Variants in PRIMA1 observed in about 807,000 individuals in gnomAD.
PRIMA1 encodes proline-rich membrane anchor 1.
In PRIMA1, 7 loss-of-function variants were observed where a neutral mutation model predicts 17.5. The ratio of observed to expected loss-of-function variants is 0.40; its 90% CI spans 0.23 to 0.75. The LOEUF is 0.75. Ranked by LOEUF, PRIMA1 falls within the 30% of genes least tolerant of loss-of-function variation. The probability of loss-of-function intolerance (pLI) is 0.37; values close to 1 mark genes in which losing one functional copy is unlikely to be tolerated. For missense variants in PRIMA1, 200 were observed against 201.8 expected (o/e 0.99, Z 0.05); for synonymous variants, 97 against 77.9 (o/e 1.25, Z -1.29).
chr14:93,755,908 G>A (rs1333542461), intron 3 of PRIMA1, among the ~76,000 whole-genome samples: 2 of 152,072 alleles, frequency 1.3e-5, no homozygotes, highest in Non-Finnish European at 2.9e-5. Context: ...GCACCCCAGA[G>A]AGCAGAGATT....
chr14:93,737,404 G>T (rs770679452), intron 3 of PRIMA1, 34 bp from the exon 4 acceptor site: 1 of 1,607,222 alleles, frequency 6.2e-7, no homozygotes, highest in Non-Finnish European at 8.5e-7. Flanking sequence ...AGTGTCACCT[G>T]GATGAGCTGG....
chr14:93,769,798 C>T (rs574465948), intron 3 of PRIMA1, among the ~76,000 whole-genome samples: 55 of 152,288 alleles, frequency 3.6e-4, no homozygotes, highest in African/African-American at 1.3e-3. Flanking sequence ...GATGATGAAG[C>T]CTAGTTAAAC....
intron 3 of PRIMA1, among the ~76,000 whole-genome samples, chr14:93,774,603 C>T (rs1885155846): frequency 1.3e-5 from 2 of 152,228 alleles, no homozygotes; most frequent in South Asian, 2.1e-4. Flanking sequence ...CCCTCTCCTT[C>T]GTGGCCTGTG....
chr14:93,758,607 A>AAAAAG (rs1555416597), intron 3 of PRIMA1, among the ~76,000 whole-genome samples: 7 of 150,436 alleles, frequency 4.7e-5, no homozygotes, highest in Admixed American at 6.6e-5. Flanking sequence ...AAAAAAAAAA[A>AAAAAG]AAAAAGAAAA....
At chr14:93,774,751 A>G (rs1885162268) in intron 3 of PRIMA1, among the ~76,000 whole-genome samples, 1 of 152,094 alleles carries the variant, frequency 6.6e-6, no homozygotes, top group African/African-American at 2.4e-5. Flanking sequence ...TCTGGCTTGC[A>G]CTCACAGGCT....
Position 93,736,142 on chromosome 14 carries a change from A to G in PRIMA1, c.359+1099T>C, listed in dbSNP as rs565780472. 8.5e-4 allele frequency among the ~76,000 whole-genome samples: 130 copies of G among 152,328 alleles called. 1 individual carries two copies. The highest frequency in any genetic ancestry group is 3.1e-3 in the African/African-American group (128 of 41,572). ...CTCTCCCACATCCCTGAGGAAGGGCAGGCAGGAATACCGAGGTCTGTTCTT... is the reference window on the plus strand; with the variant it reads ...CTCTCCCACATCCCTGAGGAAGGGCGGGCAGGAATACCGAGGTCTGTTCTT... On this transcript the variant is annotated intron_variant, in intron 4 of 4. Transcript: ENST00000393140.
At chr14:93,741,992 A>C (rs911327437) in intron 3 of PRIMA1, among the ~76,000 whole-genome samples, 1 of 152,198 alleles carries the variant, frequency 6.6e-6, no homozygotes, top group Admixed American at 6.5e-5. Context: ...CAGAGAGAGC[A>C]ACTGCAAGCT....
chr14:93,756,979 G>T (rs1352928915), intron 3 of PRIMA1, among the ~76,000 whole-genome samples: 1 of 152,158 alleles, frequency 6.6e-6, no homozygotes, highest in Non-Finnish European at 1.5e-5. Flanking sequence ...TTACATTCCC[G>T]CTCAGTGTCC....
chr14:93,737,478 T>C (rs1566965849), intron 3 of PRIMA1, 108 bp from the exon 4 acceptor site: 21 of 1,329,406 alleles, frequency 1.6e-5, no homozygotes, highest in Non-Finnish European at 2.1e-5. Flanking sequence ...GGGAGGTCAC[T>C]GGTGGGACCA....
intron 4 of PRIMA1, among the ~76,000 whole-genome samples, chr14:93,722,847 G>T (rs2076051299): frequency 6.6e-6 from 1 of 152,188 alleles, no homozygotes; most frequent in Admixed American, 6.5e-5. Context: ...AGCAATGATG[G>T]TGGTGAATAT....
At chr14:93,762,473 C>T (rs369613041) in intron 3 of PRIMA1, among the ~76,000 whole-genome samples, 2 of 151,950 alleles carry the variant, frequency 1.3e-5, no homozygotes, top group African/African-American at 4.8e-5. Flanking sequence ...TTCTCTGTGC[C>T]CTGTCCTGTT....
Position 93,726,278 on chromosome 14 carries a change from C to T in PRIMA1, c.360-4732G>A, listed in dbSNP as rs2076075583. ...AGGACCCAGGTACCCCTCTTAGGCCCTGCTGATCATGATGTGACAGCCTCC... is the reference window on the plus strand; with the variant it reads ...AGGACCCAGGTACCCCTCTTAGGCCTTGCTGATCATGATGTGACAGCCTCC... On this transcript the variant is annotated intron_variant, in intron 4 of 4. Coordinates refer to ENST00000393140, the MANE Select transcript of PRIMA1 (RefSeq NM_178013.4). The surrounding 1 kb of genome is among the most constrained non-coding windows in gnomAD (Gnocchi z 4.2). 6.6e-6 allele frequency among the ~76,000 whole-genome samples: 1 copy of T among 152,208 alleles called. No homozygotes were observed. Among genetic ancestry groups the T allele is most frequent in the East Asian group, 1.9e-4 (1 of 5,196 alleles).
intron 2 of PRIMA1, among the ~76,000 whole-genome samples, chr14:93,784,554 G>A (rs1165898332): frequency 1.3e-5 from 2 of 152,164 alleles, no homozygotes; most frequent in African/African-American, 4.8e-5. Flanking sequence ...ATAGCCCTCA[G>A]GATCAAGTCC....
At chr14:93,772,559 G>A (rs759632312) in intron 3 of PRIMA1, among the ~76,000 whole-genome samples, 19 of 152,244 alleles carry the variant, frequency 1.2e-4, no homozygotes, top group Non-Finnish European at 2.1e-4. Context: ...GCCAGGTCCT[G>A]GGCTCTGGTG....
At chr14:93,768,150 C>A (rs191162949) in intron 3 of PRIMA1, among the ~76,000 whole-genome samples, 1 of 152,092 alleles carries the variant, frequency 6.6e-6, no homozygotes, top group African/African-American at 2.4e-5. Flanking sequence ...GGCCTGGATG[C>A]GGCCTCTTGA....
intron 3 of PRIMA1, among the ~76,000 whole-genome samples, chr14:93,764,495 T>A (rs964583321): frequency 6.6e-6 from 1 of 151,596 alleles, no homozygotes; most frequent in Admixed American, 6.6e-5. Context: ...AACCCTAATC[T>A]TCCCCCGTGA....
At chr14:93,760,728 A>G (rs2076321354) in intron 3 of PRIMA1, among the ~76,000 whole-genome samples, 1 of 152,176 alleles carries the variant, frequency 6.6e-6, no homozygotes, top group East Asian at 1.9e-4. Context: ...TAGCTGGGTC[A>G]ATCAATGGCC....
chr14:93,721,637 T>C (rs2076039477), intron 4 of PRIMA1, 91 bp from the exon 5 acceptor site: 1 of 756,686 alleles, frequency 1.3e-6, no homozygotes, highest in Admixed American at 2.0e-5. Flanking sequence ...AACCTCCAGC[T>C]AGCATCCCTG....
chr14:93,738,672 G>A (rs1057307208), intron 3 of PRIMA1, among the ~76,000 whole-genome samples: 13 of 152,166 alleles, frequency 8.5e-5, no homozygotes, highest in African/African-American at 3.1e-4. Context: ...TTTTATCAAA[G>A]TGTAATCTAC....
Sources: allele counts gnomAD v4.1 joint callset (sites outside exome capture counted in the v4.1 genomes callset), GRCh38; gene constraint gnomAD v4.1.1; non-coding constraint Gnocchi (gnomAD v3.1); transcripts MANE v1.5; gene names NCBI Gene and HGNC (gene_info 2026-07-23, HGNC 2026-07-21).